Variants in CCNY observed in about 807,000 individuals in gnomAD.
CCNY encodes the protein cyclin Y, also known as cyclin-Y.
CCNY carries 19 observed loss-of-function variants against 42.8 expected under a neutral mutation model. The ratio of observed to expected loss-of-function variants is 0.44; its 90% CI spans 0.31 to 0.65. The LOEUF (loss-of-function observed/expected upper bound fraction) is 0.65, where lower values mean the gene tolerates loss of function less well. Among genes scored for constraint, CCNY ranks in the 30% least tolerant of loss-of-function variants. The pLI, the probability that CCNY is intolerant of heterozygous loss-of-function variation, is 0.07. For synonymous variants in CCNY, 165 were observed against 162.7 expected, an observed-to-expected ratio of 1.01 and a Z score of -0.11; for missense variants, 370 against 437.3, an observed-to-expected ratio of 0.85 and a Z score of 1.37.
intron 3 of CCNY, among the ~76,000 whole-genome samples, chr10:35,509,009 C>T: frequency 6.6e-6 from 1 of 152,244 alleles, no homozygotes; most frequent in Admixed American, 6.5e-5. Flanking sequence ...TTGTGAGTGG[C>T]TTCTTTCACT....
At chr10:35,374,315 A>G (rs2474526) in intron 1 of CCNY, among the ~76,000 whole-genome samples, 12,439 of 152,216 alleles carry the variant, frequency 0.082, 937 homozygotes, top group African/African-American at 0.2. Context: ...CCAGGTAGCC[A>G]ATCCTTCCAG....
At chr10:35,300,603 T>C (rs1303157362) in intron 3 of CCNY, among the ~76,000 whole-genome samples, 1 of 152,218 alleles carries the variant, frequency 6.6e-6, no homozygotes, top group African/African-American at 2.4e-5. Flanking sequence ...GCTTATACAA[T>C]TTATTTTTTA....
chr10:35,337,045 C>T lies in CCNY; in HGVS notation c.-9C>T, dbSNP rs1836054479. ...CAGGATAGCAGCAGGAGTCGGGGGG[C>T]CGCCGAAGATGGGGAACACTACCTC... On this transcript the variant is annotated 5_prime_UTR_variant, in exon 1 of 10. Transcript: ENST00000374704. 3 of 1,554,148 alleles carry T rather than the reference C, an allele frequency of 1.9e-6. No individual in the cohort carries two copies. The highest frequency in any genetic ancestry group is 2.6e-6 in the Non-Finnish European group (3 of 1,149,848).
intron 1 of CCNY, among the ~76,000 whole-genome samples, chr10:35,465,595 T>C (rs1245877371): frequency 6.6e-6 from 1 of 152,030 alleles, no homozygotes; most frequent in Non-Finnish European, 1.5e-5. Context: ...TGAATCCACC[T>C]TGCATGCTTT....
chr10:35,463,380 A>G (rs900986489), intron 1 of CCNY, among the ~76,000 whole-genome samples: 1 of 152,260 alleles, frequency 6.6e-6, no homozygotes, highest in African/African-American at 2.4e-5. Flanking sequence ...TTACCTCAGT[A>G]ACAATGGACG....
At chr10:35,252,420 G>T (rs1448975295) in intron 3 of CCNY, among the ~76,000 whole-genome samples, 4 of 151,966 alleles carry the variant, frequency 2.6e-5, no homozygotes, top group Non-Finnish European at 5.9e-5. Context: ...AAAAAAATTA[G>T]CCAGGCGTGG....
intron 1 of CCNY, among the ~76,000 whole-genome samples, chr10:35,445,650 G>A (rs1172345336): frequency 6.6e-6 from 1 of 152,144 alleles, no homozygotes; most frequent in Admixed American, 6.5e-5. Context: ...ACTTTTCCTA[G>A]GATCTTGACT....
intron 1 of CCNY, among the ~76,000 whole-genome samples, chr10:35,247,516 T>C (rs2095708797): frequency 6.7e-6 from 1 of 150,174 alleles, no homozygotes; most frequent in Non-Finnish European, 1.5e-5. Flanking sequence ...AGCCCAGGAG[T>C]TTGAGGCTGC....
chr10:35,390,498 C>T (rs1016926261), intron 1 of CCNY, among the ~76,000 whole-genome samples: 2 of 152,206 alleles, frequency 1.3e-5, no homozygotes, highest in African/African-American at 2.4e-5. Context: ...TATTTAAATA[C>T]TGGCTGCTTT....
chr10:35,256,548 A>G (rs1189279927), intron 3 of CCNY, among the ~76,000 whole-genome samples: 1 of 152,008 alleles, frequency 6.6e-6, no homozygotes, highest in Non-Finnish European at 1.5e-5. Flanking sequence ...CCTGGCCAGG[A>G]TGGTGAAACC....
chr10:35,270,386 A>G (rs1835148629), intron 3 of CCNY, among the ~76,000 whole-genome samples: 1 of 152,208 alleles, frequency 6.6e-6, no homozygotes, highest in African/African-American at 2.4e-5. Context: ...TAGCACAAAT[A>G]GAAAAATAGA....
chr10:35,493,337 C>T (rs547925545), intron 2 of CCNY, among the ~76,000 whole-genome samples: 3 of 152,316 alleles, frequency 2.0e-5, no homozygotes, highest in South Asian at 2.1e-4. Flanking sequence ...CTACCACAGC[C>T]TTGTCCTACT....
chr10:35,252,512 G>C (rs1217788282), intron 3 of CCNY, among the ~76,000 whole-genome samples: 2 of 145,316 alleles, frequency 1.4e-5, no homozygotes, highest in African/African-American at 5.2e-5. Context: ...CTTGCAGTGA[G>C]CTGAGATCGC....
At chr10:35,378,652 C>T (rs1194402200) in intron 1 of CCNY, among the ~76,000 whole-genome samples, 3 of 151,928 alleles carry the variant, frequency 2.0e-5, no homozygotes. Context: ...AAGCCCGGGA[C>T]GTGCTGGGGG....
chr10:35,278,824 G>A (rs1370001727), intron 3 of CCNY, among the ~76,000 whole-genome samples: 1 of 152,190 alleles, frequency 6.6e-6, no homozygotes, highest in East Asian at 1.9e-4. Context: ...GGAGCCAGGG[G>A]CTGGGTGCAC....
intron 3 of CCNY, among the ~76,000 whole-genome samples, chr10:35,514,178 T>C (rs1840381410): frequency 6.6e-6 from 1 of 151,740 alleles, no homozygotes; most frequent in Non-Finnish European, 1.5e-5. Context: ...GGGGTTCAGA[T>C]CAAGAGAAGT....
At chr10:35,431,843 GT>G (rs1005007710) in intron 1 of CCNY, among the ~76,000 whole-genome samples, 2 of 151,870 alleles carry the variant, frequency 1.3e-5, no homozygotes, top group Non-Finnish European at 2.9e-5. Flanking sequence ...GTTTTTTGTT[GT>G]TTTTTTCTCC....
Position 35,426,104 on chromosome 10 carries a change from AGCACGC to A in CCNY, c.155-57295_155-57290del, listed in dbSNP as rs1204769377. Among the ~76,000 whole-genome samples, 793 of 96,192 alleles carry A rather than the reference AGCACGC, an allele frequency of 8.2e-3. 6 individuals are homozygous for A. Among genetic ancestry groups the A allele is most frequent in the African/African-American group, 0.03 (638 of 21,596 alleles). 63.1% of individuals were successfully genotyped at this position (96,192 alleles called of 152,430 possible). Reference sequence around the variant, plus strand: ...GCTCCTCTTCTCCCTTCACTGGTCCAGCACGCGCACACACACACACACACACACACA... The same window carrying A: ...GCTCCTCTTCTCCCTTCACTGGTCCAGCACACACACACACACACACACACA... On this transcript the variant is annotated intron_variant, in intron 1 of 9. Transcript: ENST00000374704.
chr10:35,475,665 T>A (rs1196685082), intron 1 of CCNY, among the ~76,000 whole-genome samples: 1 of 147,204 alleles, frequency 6.8e-6, no homozygotes, highest in Non-Finnish European at 1.5e-5. Flanking sequence ...GAACAACTGG[T>A]ACCAGCCGCT....
Sources: gnomAD v4.1 joint callset for allele counts (sites outside exome capture counted in the v4.1 genomes callset) on GRCh38, gnomAD v4.1.1 for gene constraint, MANE v1.5 for transcripts, NCBI Gene and HGNC (gene_info 2026-07-23, HGNC 2026-07-21) for gene names.